Variants in CDRT4 observed in about 807,000 individuals in gnomAD.
The protein encoded by CDRT4 is CMT1A duplicated region transcript 4.
For missense variants in CDRT4, 167 were observed against 193.1 expected, an observed-to-expected ratio of 0.87 and a Z score of 0.80; for synonymous variants, 64 against 69.6, an observed-to-expected ratio of 0.92 and a Z score of 0.40.
At chr17:15,455,498 T>A (rs975478668) in intron 1 of CDRT4, among the ~76,000 whole-genome samples, 5 of 152,230 alleles carry the variant, frequency 3.3e-5, no homozygotes, top group Non-Finnish European at 2.9e-5. Context: ...CCCCTGAGTA[T>A]GAACTGCATC....
chr17:15,440,533 C>T (rs759001583), intron 2 of CDRT4, among the ~76,000 whole-genome samples: 2 of 152,206 alleles, frequency 1.3e-5, no homozygotes, highest in Non-Finnish European at 2.9e-5. Context: ...GTTCTGCTTT[C>T]CAGTCTCCTA....
intron 2 of CDRT4, among the ~76,000 whole-genome samples, chr17:15,441,434 G>A (rs774218505): frequency 6.6e-6 from 1 of 152,180 alleles, no homozygotes; most frequent in Non-Finnish European, 1.5e-5. Flanking sequence ...TTGCTGGCCT[G>A]TGGTTCATAC....
At chr17:15,457,338 G>A (rs1979532490) in intron 1 of CDRT4, among the ~76,000 whole-genome samples, 2 of 152,174 alleles carry the variant, frequency 1.3e-5, no homozygotes, top group Admixed American at 6.5e-5. Context: ...TCCCGGATGC[G>A]TTTTCAAAAG....
rs1009121882 is a variant in CDRT4 at position 15,462,567 on chromosome 17, T to C, written c.-130+4893A>G. Among the ~76,000 whole-genome samples, 6 of 151,570 alleles carry C rather than the reference T, an allele frequency of 4.0e-5. No individual in the cohort carries two copies. The East Asian group carries it at 5.8e-4, about 15-fold the overall frequency. ...CTGCAGACAGAATTGCCCATATATA[T>C]GGGCATTCATTCAGAAGAATACTAT... On this transcript the variant is annotated intron_variant, in intron 1 of 3. Transcript: ENST00000619038.
chr17:15,459,429 CT>C (rs1022753017), intron 1 of CDRT4, among the ~76,000 whole-genome samples: 3 of 131,586 alleles, frequency 2.3e-5, no homozygotes, highest in East Asian at 2.3e-4. Context: ...GAGTTGATTT[CT>C]TTTTTTTTCT....
chr17:15,448,110 A>T (rs1460462795), intron 2 of CDRT4, among the ~76,000 whole-genome samples: 1 of 152,196 alleles, frequency 6.6e-6, no homozygotes, highest in African/African-American at 2.4e-5. Context: ...CACTTCAGGG[A>T]AACAGCCCGG....
intron 2 of CDRT4, among the ~76,000 whole-genome samples, chr17:15,442,286 T>C (rs1315139916): frequency 6.6e-6 from 1 of 152,022 alleles, no homozygotes; most frequent in Non-Finnish European, 1.5e-5. Context: ...GATGCATGCC[T>C]GTAATCCCAG....
intron 1 of CDRT4, among the ~76,000 whole-genome samples, chr17:15,461,165 T>A (rs574491319): frequency 1.2e-3 from 181 of 152,344 alleles, no homozygotes; most frequent in Middle Eastern, 6.8e-3. Flanking sequence ...TTGTTTATGA[T>A]TTATTTTCTG....
intron 3 of CDRT4, chr17:15,439,140 G>C: frequency 2.2e-6 from 1 of 456,190 alleles, no homozygotes; most frequent in Non-Finnish European, 4.4e-6. Flanking sequence ...CTCTCCTGCA[G>C]CTGCTACCTT....
At chr17:15,452,840 G>A (rs945165062) in intron 2 of CDRT4, among the ~76,000 whole-genome samples, 164 bp downstream of exon 2, 2 of 152,148 alleles carry the variant, frequency 1.3e-5, no homozygotes, top group Non-Finnish European at 2.9e-5. Flanking sequence ...GTGTTATTTA[G>A]TTGGGATGTG....
chr17:15,445,765 G>A (rs1404360296), intron 2 of CDRT4, among the ~76,000 whole-genome samples: 2 of 152,138 alleles, frequency 1.3e-5, no homozygotes, highest in South Asian at 2.1e-4. Context: ...TGTTCACTCT[G>A]TTCAGCCTCT....
chr17:15,447,178 T>C (rs73287763), intron 2 of CDRT4, among the ~76,000 whole-genome samples: 5,559 of 152,266 alleles, frequency 0.037, 320 homozygotes, highest in African/African-American at 0.13. Flanking sequence ...CATAGGACAA[T>C]ACATGTTCCA....
At chr17:15,457,787 T>TGCTCCACAC (rs1249602439) in intron 1 of CDRT4, among the ~76,000 whole-genome samples, 67 of 152,278 alleles carry the variant, frequency 4.4e-4, no homozygotes, top group Non-Finnish European at 5.7e-4. Flanking sequence ...GGGCTCCACA[T>TGCTCCACAC]GCTCCACACG....
chr17:15,437,655 A>C lies in CDRT4; in HGVS notation c.*118T>G. The C allele has an allele frequency of 9.3e-7, 1 of 1,072,926 alleles. No individual in the cohort carries two copies. The highest frequency in any genetic ancestry group is 1.3e-6 in the Non-Finnish European group (1 of 746,358). 66.5% of individuals were successfully genotyped at this position (1,072,926 alleles called of 1,614,324 possible). ...GCCAAGCTCCGCATGAGCAAGAGCA[A>C]GTTCAGATTTAAAGGACACTGTCAA... is the stretch of plus-strand genomic sequence containing the variant. On this transcript the variant is annotated 3_prime_UTR_variant, in exon 4 of 4. Coordinates refer to ENST00000619038, the MANE Select transcript of CDRT4 (RefSeq NM_001204477.2).
At chr17:15,467,216 T>C (rs1276639946) in intron 1 of CDRT4, among the ~76,000 whole-genome samples, 2 of 152,148 alleles carry the variant, frequency 1.3e-5, no homozygotes, top group African/African-American at 2.4e-5. Context: ...ATCCTAGGAA[T>C]GGGACGAGCT....
At chr17:15,458,124 AC>A (rs1333766800) in intron 1 of CDRT4, among the ~76,000 whole-genome samples, 1 of 152,212 alleles carries the variant, frequency 6.6e-6, no homozygotes, top group Non-Finnish European at 1.5e-5. Context: ...GGATGTGGCC[AC>A]CGACATTCAT....
rs371051239 is a variant in CDRT4 at position 15,441,195 on chromosome 17, T to C, written c.-47-910A>G. 2.6e-5 allele frequency among the ~76,000 whole-genome samples: 4 copies of C among 152,332 alleles called. No individual in the cohort carries two copies. The East Asian group carries it at 5.8e-4, about 22-fold the overall frequency. On this transcript the variant is annotated intron_variant, in intron 2 of 3. Transcript: ENST00000619038. ...AAGCCCATTGAGAAAGAGTCTCAGATAATTCTGAACAGCTCCCAGATGATG... is the reference window on the plus strand; with the variant it reads ...AAGCCCATTGAGAAAGAGTCTCAGACAATTCTGAACAGCTCCCAGATGATG...
intron 1 of CDRT4, among the ~76,000 whole-genome samples, chr17:15,466,247 A>C (rs1471689074): frequency 6.6e-6 from 1 of 152,140 alleles, no homozygotes; most frequent in Non-Finnish European, 1.5e-5. Context: ...TACTGACTCA[A>C]TGTAGCTCAA....
chr17:15,453,524 C>T (rs899815650), intron 1 of CDRT4, among the ~76,000 whole-genome samples: 2 of 152,150 alleles, frequency 1.3e-5, no homozygotes, highest in African/African-American at 4.8e-5. Flanking sequence ...CTTCATGGAG[C>T]GTGTTCTGTG....
Sources: allele counts gnomAD v4.1 joint callset (sites outside exome capture counted in the v4.1 genomes callset), GRCh38; gene constraint gnomAD v4.1.1; transcripts MANE v1.5; gene names NCBI Gene and HGNC (gene_info 2026-07-23, HGNC 2026-07-21).